SND1: variants seen among roughly 807,000 people sequenced by gnomAD.
SND1 encodes the protein staphylococcal nuclease and tudor domain containing 1.
A neutral mutation model predicts 121.7 loss-of-function variants in SND1; 38 were observed. The observed-to-expected ratio is 0.31, with a 90% confidence interval of 0.24 to 0.41. The LOEUF is 0.41. Among genes scored for constraint, SND1 ranks in the 10% least tolerant of loss-of-function variants. The pLI is 1.00. For synonymous variants in SND1, 401 were observed against 447.4 expected (o/e 0.90, Z 1.31); for missense variants, 868 against 1,184.6 (o/e 0.73, Z 3.92).
chr7:127,750,683 T>C (rs1797073760), intron 10 of SND1, among the ~76,000 whole-genome samples: 1 of 152,188 alleles, frequency 6.6e-6, no homozygotes, highest in Non-Finnish European at 1.5e-5. Context: ...AATGAACATT[T>C]CCTTCGTGTG....
intron 15 of SND1, among the ~76,000 whole-genome samples, chr7:127,966,919 G>T (rs1464397564): frequency 6.6e-6 from 1 of 151,896 alleles, no homozygotes; most frequent in African/African-American, 2.4e-5. Context: ...CCAGGAGCTG[G>T]TTTTTTGAAA....
At chr7:128,028,759 G>A (rs775497533) in intron 16 of SND1, 1 of 1,614,030 alleles carries the variant, frequency 6.2e-7, no homozygotes, top group Non-Finnish European at 8.5e-7. Context: ...ACTGTGGGGT[G>A]CAGAGAGTTC....
chr7:127,861,106 A>G (rs554800452), intron 12 of SND1, among the ~76,000 whole-genome samples: 3 of 152,322 alleles, frequency 2.0e-5, no homozygotes, highest in Non-Finnish European at 2.9e-5. Flanking sequence ...TTTCTTTCAC[A>G]CCTTTCTAAA....
intron 11 of SND1, among the ~76,000 whole-genome samples, chr7:127,839,202 G>A (rs1277241530): frequency 2.0e-5 from 3 of 152,126 alleles, no homozygotes; most frequent in South Asian, 2.1e-4. Flanking sequence ...TTCAGTATTA[G>A]GGGTGCGTAG....
chr7:128,075,811 C>T (rs919385780), intron 17 of SND1, among the ~76,000 whole-genome samples: 1 of 152,228 alleles, frequency 6.6e-6, no homozygotes, highest in African/African-American at 2.4e-5. Flanking sequence ...AAGCCTCCTC[C>T]TCCCAGAATG....
intron 10 of SND1, among the ~76,000 whole-genome samples, chr7:127,770,263 G>T (rs555624244): frequency 1.3e-5 from 2 of 152,082 alleles, no homozygotes; most frequent in Non-Finnish European, 2.9e-5. Flanking sequence ...AAATGGGGAT[G>T]GTGGGTGGCT....
rs1469429328 is a variant in SND1 at position 128,084,737 on chromosome 7, G to A, written c.2124G>A (p.Glu708=). 6.2e-7 allele frequency: 1 copy of A among 1,606,322 alleles called. No individual in the cohort carries two copies. The highest frequency in any genetic ancestry group is 8.5e-7 in the Non-Finnish European group (1 of 1,175,278). The change falls in exon 19 of 24, where the codon GAG becomes GAA. Residue 708 remains glutamate, a synonymous_variant. Transcript: ENST00000354725. ...CCTCCCTGGCAGGCACCCAGTTGGA[G>A]AAGCTGATGGAGAACATGCGCAATG... ...VQDVETGTQL[E]KLMENMRNDI... is the part of the protein sequence containing the mutation.
intron 14 of SND1, among the ~76,000 whole-genome samples, chr7:127,906,148 A>G (rs1165962134): frequency 2.0e-5 from 3 of 152,144 alleles, no homozygotes; most frequent in Non-Finnish European, 2.9e-5. Flanking sequence ...GTTACCTACA[A>G]CATGTTAACT....
At chr7:127,771,640 C>G (rs538095574) in intron 10 of SND1, among the ~76,000 whole-genome samples, 1 of 152,106 alleles carries the variant, frequency 6.6e-6, no homozygotes, top group Non-Finnish European at 1.5e-5. Flanking sequence ...AAGCACCCCC[C>G]TATACACATA....
At chr7:128,009,292 G>A (rs927208310) in intron 16 of SND1, among the ~76,000 whole-genome samples, 3 of 152,188 alleles carry the variant, frequency 2.0e-5, no homozygotes, top group Non-Finnish European at 4.4e-5. Flanking sequence ...GTGCACTGGC[G>A]GATTCATACT....
At chr7:127,666,446 AT>A (rs1795420219) in intron 1 of SND1, among the ~76,000 whole-genome samples, 1 of 152,158 alleles carries the variant, frequency 6.6e-6, no homozygotes, top group Non-Finnish European at 1.5e-5. Context: ...CAGAAAATTG[AT>A]TTTTGGAAGT....
intron 10 of SND1, among the ~76,000 whole-genome samples, chr7:127,730,913 G>A (rs949570375): frequency 2.4e-4 from 37 of 152,206 alleles, no homozygotes; most frequent in Non-Finnish European, 2.6e-4. Flanking sequence ...ATCACTACTG[G>A]GAACGCGGGA....
intron 14 of SND1, among the ~76,000 whole-genome samples, chr7:127,922,198 T>TTTTGTTTTTG (rs1800731723): frequency 1.6e-5 from 2 of 126,872 alleles, no homozygotes; most frequent in African/African-American, 5.9e-5. Flanking sequence ...TTTTTTTTTT[T>TTTTGTTTTTG]TTTTTGTTTT....
chr7:128,079,607 C>T (rs1005792984), intron 17 of SND1, among the ~76,000 whole-genome samples: 1 of 152,248 alleles, frequency 6.6e-6, no homozygotes, highest in African/African-American at 2.4e-5. Context: ...ATGTCTCAGT[C>T]ATTCCCCCAT....
At chr7:128,047,684 A>C (rs1205632639) in intron 16 of SND1, among the ~76,000 whole-genome samples, 1 of 152,212 alleles carries the variant, frequency 6.6e-6, no homozygotes, top group Admixed American at 6.5e-5. Flanking sequence ...GAGATCTTTG[A>C]AAAGGGTATA....
intron 16 of SND1, chr7:128,028,885 C>G (rs760862041): frequency 2.5e-6 from 4 of 1,613,944 alleles, no homozygotes; most frequent in African/African-American, 1.3e-5. Flanking sequence ...CCGGACGGAG[C>G]TGCTGTTGCT....
At chr7:128,005,741 G>A (rs1425767538) in intron 16 of SND1, among the ~76,000 whole-genome samples, 4 of 152,184 alleles carry the variant, frequency 2.6e-5, no homozygotes, top group Non-Finnish European at 5.9e-5. Context: ...TGCAGGTACT[G>A]AACAGGAAAA....
intron 22 of SND1, chr7:128,089,935 C>A (rs1793749881): frequency 4.1e-6 from 2 of 491,734 alleles, no homozygotes; most frequent in Non-Finnish European, 3.7e-6. Context: ...AGCTTCCCTC[C>A]CCATGTACCC....
In SND1 at chr7:128,092,092, A is replaced by T; in HGVS notation, c.*34A>T. On this transcript the variant is annotated 3_prime_UTR_variant, in exon 24 of 24. Coordinates refer to ENST00000354725, the MANE Select transcript of SND1 (RefSeq NM_014390.4). The surrounding 1 kb of genome is among the most constrained non-coding windows in gnomAD (Gnocchi z 4.9). ...TCGGGTTTGGCCCCCAGCCCCGCTCACGCCAGTCCCTCTTCCTCTGCCGGG... is the reference window on the plus strand; with the variant it reads ...TCGGGTTTGGCCCCCAGCCCCGCTCTCGCCAGTCCCTCTTCCTCTGCCGGG... The T allele has an allele frequency of 6.2e-7, 1 of 1,608,272 alleles. No individual in the cohort carries two copies. The highest frequency in any genetic ancestry group is 8.5e-7 in the Non-Finnish European group (1 of 1,174,872).
Sources: gnomAD v4.1 joint callset for allele counts (sites outside exome capture counted in the v4.1 genomes callset) on GRCh38, gnomAD v4.1.1 for gene constraint, Gnocchi (gnomAD v3.1) non-coding constraint, MANE v1.5 for transcripts, NCBI Gene and HGNC (gene_info 2026-07-23, HGNC 2026-07-21) for gene names.